TPST1: variants seen among roughly 807,000 people sequenced by gnomAD.
The protein encoded by TPST1 is tyrosylprotein sulfotransferase 1, also known as protein-tyrosine sulfotransferase 1.
Under a neutral mutation model 34.8 loss-of-function variants are expected in TPST1, and 20 were observed. The observed-to-expected ratio is 0.57, with a 90% CI of 0.40 to 0.84. The LOEUF (loss-of-function observed/expected upper bound fraction) is 0.84, where lower values mean the gene tolerates loss of function less well. TPST1 is among the 40% of genes least tolerant of loss of function. TPST1 has a pLI of 0.00. For synonymous variants in TPST1, 152 were observed against 159.4 expected, an observed-to-expected ratio of 0.95 and a Z score of 0.35; for missense variants, 353 against 455.5, an observed-to-expected ratio of 0.78 and a Z score of 2.05.
upstream of TPST1, among the ~76,000 whole-genome samples, chr7:66,202,802 G>A (rs1415908411): frequency 2.0e-5 from 3 of 152,066 alleles, no homozygotes; most frequent in Admixed American, 6.6e-5. Flanking sequence ...AGGTGGGCGC[G>A]GTGGCTCACA....
intron 2 of TPST1, among the ~76,000 whole-genome samples, chr7:66,273,890 C>T (rs566949869): frequency 6.6e-6 from 1 of 152,242 alleles, no homozygotes; most frequent in African/African-American, 2.4e-5. Context: ...GCAACCTCCG[C>T]CTTCTGGGTT....
intron 2 of TPST1, among the ~76,000 whole-genome samples, chr7:66,275,180 C>G (rs543311210): frequency 1.2e-3 from 184 of 151,620 alleles, no homozygotes; most frequent in Admixed American, 3.4e-3. Flanking sequence ...GGTGACAGAG[C>G]GAGACTCCGT....
chr7:66,297,443 G>A (rs147630679), intron 3 of TPST1, among the ~76,000 whole-genome samples: 79 of 152,292 alleles, frequency 5.2e-4, no homozygotes, highest in African/African-American at 1.8e-3. Context: ...ATCTATACTT[G>A]CGGTACCTAT....
intron 4 of TPST1, among the ~76,000 whole-genome samples, chr7:66,353,285 T>C (rs962484828): frequency 2.6e-5 from 4 of 151,718 alleles, no homozygotes; most frequent in African/African-American, 9.7e-5. Context: ...CTACAGCCTG[T>C]GTGACAGAAC....
chr7:66,264,095 G>A (rs1270213451), intron 2 of TPST1, among the ~76,000 whole-genome samples: 1 of 152,186 alleles, frequency 6.6e-6, no homozygotes, highest in Non-Finnish European at 1.5e-5. Context: ...ATCCCTGGAT[G>A]AATGACTTCA....
intron 3 of TPST1, among the ~76,000 whole-genome samples, chr7:66,315,313 G>T (rs1175035646): frequency 6.6e-6 from 1 of 152,230 alleles, no homozygotes; most frequent in Admixed American, 6.5e-5. Flanking sequence ...CGTGAAACTG[G>T]AATTCATAGA....
At chr7:66,216,558 C>A (rs560433374) in intron 1 of TPST1, among the ~76,000 whole-genome samples, 184 of 152,190 alleles carry the variant, frequency 1.2e-3, no homozygotes, top group African/African-American at 4.3e-3. Context: ...CAGCCTCCAC[C>A]TCCCAGGTTC....
intron 2 of TPST1, among the ~76,000 whole-genome samples, chr7:66,281,011 T>G (rs1790922509): frequency 6.6e-6 from 1 of 152,222 alleles, no homozygotes; most frequent in African/African-American, 2.4e-5. Flanking sequence ...CTTCGATGCC[T>G]AGCTTGTTGA....
At position 66,241,867 on chromosome 7, in the gene TPST1, C is replaced by T. The variant is rs955448190; in HGVS notation, c.845+597C>T. On this transcript the variant is annotated intron_variant, in intron 2 of 5. Transcript: ENST00000304842. The stretch of plus-strand genomic sequence containing the variant: ...TAGATGGCAAGGCCAGAATTCGAAT[C>T]TGTGCCTTGGTCTCAATGAGGTCGT... Among the ~76,000 whole-genome samples the T allele has an allele frequency of 5.3e-5, 8 of 152,350 alleles. No individual in the cohort carries two copies. The South Asian group carries it at 1.4e-3, about 28-fold the overall frequency.
At chr7:66,310,616 A>G (rs1791510825) in intron 3 of TPST1, among the ~76,000 whole-genome samples, 2 of 152,086 alleles carry the variant, frequency 1.3e-5, no homozygotes, top group African/African-American at 2.4e-5. Context: ...CTGGTTGCCC[A>G]TGAAGATCAT....
chr7:66,352,446 C>T, intron 3 of TPST1, 59 bp from the exon 4 acceptor site: 1 of 1,590,314 alleles, frequency 6.3e-7, no homozygotes, highest in Non-Finnish European at 8.5e-7. Context: ...TGGCACATGT[C>T]CTGCAATGAT....
intron 2 of TPST1, among the ~76,000 whole-genome samples, chr7:66,258,712 G>C (rs144150383): frequency 1.3e-5 from 2 of 152,248 alleles, no homozygotes; most frequent in African/African-American, 4.8e-5. Flanking sequence ...CACCCTTAGG[G>C]TGAAGAGCTC....
intron 1 of TPST1, among the ~76,000 whole-genome samples, chr7:66,213,169 T>C (rs1789300567): frequency 6.6e-6 from 1 of 152,206 alleles, no homozygotes; most frequent in South Asian, 2.1e-4. Context: ...TCTCCTTTCA[T>C]TCTGTGACTG....
intron 2 of TPST1, among the ~76,000 whole-genome samples, chr7:66,264,031 T>C (rs1790539770): frequency 6.6e-6 from 1 of 152,208 alleles, no homozygotes; most frequent in South Asian, 2.1e-4. Context: ...GTTTCTGTAC[T>C]GGAGGGAGCA....
intron 2 of TPST1, among the ~76,000 whole-genome samples, chr7:66,258,131 CTA>C (rs1372219948): frequency 1.3e-5 from 2 of 151,872 alleles, no homozygotes; most frequent in Admixed American, 6.6e-5. Flanking sequence ...TTCTTACTCT[CTA>C]TGTCTGTTTT....
At chr7:66,347,059 C>CTTTTTTTTT (rs71051352) in intron 3 of TPST1, among the ~76,000 whole-genome samples, 1,357 of 60,018 alleles carry the variant, frequency 0.023, 363 homozygotes, top group African/African-American at 0.034. Context: ...CTTTGCTTTT[C>CTTTTTTTTT]TTTTTTTTTT....
chr7:66,232,559 A>G lies in TPST1; in HGVS notation c.-101-7766A>G, dbSNP rs929617557. On this transcript the variant is annotated intron_variant, in intron 1 of 5. Coordinates refer to ENST00000304842, the MANE Select transcript of TPST1 (RefSeq NM_003596.4). Reference sequence around the variant, plus strand: ...GGCTAATTTTTTTATGGGTTTCACCATGTTAGCCAGGATGGTCTCGATCTC... The same window carrying G: ...GGCTAATTTTTTTATGGGTTTCACCGTGTTAGCCAGGATGGTCTCGATCTC... 6.6e-5 allele frequency among the ~76,000 whole-genome samples: 10 copies of G among 152,148 alleles called. No homozygotes were observed. The East Asian group carries it at 1.7e-3, about 27-fold the overall frequency.
chr7:66,299,100 T>G (rs1279238575), intron 3 of TPST1, among the ~76,000 whole-genome samples: 3 of 149,054 alleles, frequency 2.0e-5, no homozygotes, highest in East Asian at 3.9e-4. Flanking sequence ...CACTCCAGCC[T>G]GGGCAACAGA....
At chr7:66,347,059 CTTTTTTTTTTT>C (rs71051352) in intron 3 of TPST1, among the ~76,000 whole-genome samples, 34 of 59,974 alleles carry the variant, frequency 5.7e-4, no homozygotes, top group African/African-American at 2.1e-3. Flanking sequence ...CTTTGCTTTT[CTTTTTTTTTTT>C]TTTTTTTTTT....
Sources: gnomAD v4.1 joint callset for allele counts (sites outside exome capture counted in the v4.1 genomes callset) on GRCh38, gnomAD v4.1.1 for gene constraint, MANE v1.5 for transcripts, NCBI Gene and HGNC (gene_info 2026-07-23, HGNC 2026-07-21) for gene names.